DPP10: variants seen among roughly 807,000 people sequenced by gnomAD.
DPP10 encodes dipeptidyl peptidase like 10, also known as inactive dipeptidyl peptidase 10.
Under a neutral mutation model 120.9 loss-of-function variants are expected in DPP10, and 33 were observed. The observed-to-expected ratio is 0.27, with a 90% CI of 0.21 to 0.37. DPP10 has a LOEUF of 0.37. Among genes scored for constraint, DPP10 ranks in the 10% least tolerant of loss-of-function variants. The pLI, the probability that DPP10 is intolerant of heterozygous loss-of-function variation, is 1.00. For synonymous variants in DPP10, 337 were observed against 326.1 expected, an observed-to-expected ratio of 1.03 and a Z score of -0.36; for missense variants, 816 against 942.8, an observed-to-expected ratio of 0.87 and a Z score of 1.76.
In DPP10 at chr2:115,297,778, T is replaced by G. The variant is rs553333585; in HGVS notation, c.61-11461T>G. ...TTCTAGGCAGAATGTAGCAGAAGAT[T>G]ATATATGCAGCCTGCTCATCCCCTG... On this transcript the variant is annotated intron_variant, in intron 1 of 25. Transcript: ENST00000410059. 9.2e-5 allele frequency among the ~76,000 whole-genome samples: 14 copies of G among 152,170 alleles called. No homozygotes were observed. The East Asian group carries it at 2.7e-3, about 30-fold the overall frequency.
Position 115,627,156 on chromosome 2 carries a change from A to G in DPP10, c.442-62531A>G, listed in dbSNP as rs539669695. On this transcript the variant is annotated intron_variant, in intron 5 of 25. Transcript: ENST00000410059. ...GTACATAGTAATACAAGAGATAAAA[A>G]GAAAGACAAAAATGGCAGTTCTTTT... Among the ~76,000 whole-genome samples the G allele has an allele frequency of 3.3e-5, 5 of 152,342 alleles. No individual in the cohort carries two copies. In the South Asian group the frequency reaches 8.3e-4, roughly 25 times the overall value.
chr2:115,574,744 A>G (rs1001698897), intron 5 of DPP10, among the ~76,000 whole-genome samples: 1 of 152,296 alleles, frequency 6.6e-6, no homozygotes, highest in Middle Eastern at 3.4e-3. Context: ...CCAGTGACCA[A>G]TGAACGTTTG....
At chr2:115,841,880 A>T (rs1278865736) in intron 25 of DPP10, among the ~76,000 whole-genome samples, 1 of 152,188 alleles carries the variant, frequency 6.6e-6, no homozygotes, top group African/African-American at 2.4e-5. Context: ...AATACTCCTA[A>T]AAAGGGGAGG....
rs555995923 is a variant in DPP10, at chr2:114,718,526, G to T, written c.60+275688G>T. ...GATATAGATTGTTTCCATCATCACA[G>T]ATAGTTAGTTCTATGGTACTCTTTT... On this transcript the variant is annotated intron_variant, in intron 1 of 25. Coordinates refer to ENST00000410059, the MANE Select transcript of DPP10 (RefSeq NM_020868.6). 5.3e-5 allele frequency among the ~76,000 whole-genome samples: 8 copies of T among 151,802 alleles called. No homozygotes were observed. In the South Asian group the frequency reaches 1.7e-3, roughly 32 times the overall value.
At chr2:115,024,464 T>G (rs1299334761) in intron 1 of DPP10, among the ~76,000 whole-genome samples, 1 of 151,794 alleles carries the variant, frequency 6.6e-6, no homozygotes, top group Non-Finnish European at 1.5e-5. Flanking sequence ...TTCAGTATTA[T>G]TTAGTGATTG....
chr2:115,643,189 A>G (rs774293703), intron 5 of DPP10, among the ~76,000 whole-genome samples: 1 of 152,166 alleles, frequency 6.6e-6, no homozygotes, highest in Non-Finnish European at 1.5e-5. Flanking sequence ...AGTGAAATTG[A>G]TGACCTTAGT....
At chr2:114,646,221 C>G (rs575813496) in intron 1 of DPP10, among the ~76,000 whole-genome samples, 152 of 150,846 alleles carry the variant, frequency 1.0e-3, no homozygotes, top group African/African-American at 3.6e-3. Context: ...GGATCAAAAG[C>G]ACTAGTCTGC....
At chr2:115,334,532 A>C (rs2063003168) in intron 2 of DPP10, among the ~76,000 whole-genome samples, 1 of 151,828 alleles carries the variant, frequency 6.6e-6, no homozygotes, top group Non-Finnish European at 1.5e-5. Flanking sequence ...AAGTCAACAT[A>C]GTTAAATACA....
In DPP10 at chr2:115,650,688, T is replaced by C. The variant is rs201460660; in HGVS notation, c.442-38999T>C. ...CTCTACTTGGTCTCCCAGACTCAGC[T>C]AGCCTCCATGAGTATTTCCTAGTGT... On this transcript the variant is annotated intron_variant, in intron 5 of 25. Transcript: ENST00000410059. 1.3e-4 allele frequency among the ~76,000 whole-genome samples: 20 copies of C among 152,174 alleles called. 1 individual carries two copies. In the East Asian group the frequency reaches 3.7e-3, roughly 28 times the overall value.
At chr2:115,336,528 T>C (rs571391345) in intron 2 of DPP10, among the ~76,000 whole-genome samples, 2 of 151,778 alleles carry the variant, frequency 1.3e-5, no homozygotes, top group Non-Finnish European at 2.9e-5. Context: ...TATTAAAATA[T>C]AGTAGGTTTT....
At chr2:114,593,848 A>G (rs1171710483) in intron 1 of DPP10, among the ~76,000 whole-genome samples, 2 of 152,048 alleles carry the variant, frequency 1.3e-5, no homozygotes, top group Non-Finnish European at 2.9e-5. Context: ...TAGCATGCCC[A>G]CTTGCAACAA....
intron 1 of DPP10, among the ~76,000 whole-genome samples, chr2:115,223,437 A>G (rs2057279550): frequency 6.6e-6 from 1 of 152,124 alleles, no homozygotes; most frequent in Non-Finnish European, 1.5e-5. Flanking sequence ...AAATTTCCTA[A>G]GAATGGATTA....
intron 1 of DPP10, among the ~76,000 whole-genome samples, chr2:115,263,489 G>A (rs897064978): frequency 2.0e-5 from 3 of 152,162 alleles, no homozygotes; most frequent in African/African-American, 7.2e-5. Flanking sequence ...ACCAATAACT[G>A]CTTAAGGCTA....
chr2:114,597,266 T>C (rs1162607880), intron 1 of DPP10, among the ~76,000 whole-genome samples: 2 of 151,922 alleles, frequency 1.3e-5, no homozygotes, highest in African/African-American at 4.8e-5. Context: ...AACAGATACA[T>C]AGGGGAATGG....
In DPP10 at chr2:115,028,367, A is replaced by G. The variant is rs115185552; in HGVS notation, c.61-280872A>G. Reference sequence around the variant, plus strand: ...TGACCCATTGATCATTTAGGAACATACTGTTGACTTTTTATGTGTTTCTGC... The same window carrying G: ...TGACCCATTGATCATTTAGGAACATGCTGTTGACTTTTTATGTGTTTCTGC... On this transcript the variant is annotated intron_variant, in intron 1 of 25. Coordinates refer to ENST00000410059, the MANE Select transcript of DPP10 (RefSeq NM_020868.6). Among the ~76,000 whole-genome samples the G allele has an allele frequency of 9.3e-3, 1,412 of 152,168 alleles. 26 individuals carry two copies. The highest frequency in any genetic ancestry group is 0.032 in the African/African-American group (1,333 of 41,538).
intron 1 of DPP10, among the ~76,000 whole-genome samples, chr2:115,139,420 A>AC (rs1204273064): frequency 6.6e-6 from 1 of 151,918 alleles, no homozygotes; most frequent in East Asian, 1.9e-4. Flanking sequence ...AATCCCTCCC[A>AC]CCCCTACCAC....
At chr2:115,276,967 A>G (rs2059944610) in intron 1 of DPP10, among the ~76,000 whole-genome samples, 1 of 152,196 alleles carries the variant, frequency 6.6e-6, no homozygotes, top group South Asian at 2.1e-4. Context: ...AACAAAATTT[A>G]GTTTCAAATT....
intron 5 of DPP10, among the ~76,000 whole-genome samples, chr2:115,593,514 A>C (rs1158086116): frequency 6.6e-6 from 1 of 152,198 alleles, no homozygotes; most frequent in Non-Finnish European, 1.5e-5. Context: ...GCAGGGCTTT[A>C]AGAAAAGCAC....
At chr2:115,288,704 A>G (rs144067180) in intron 1 of DPP10, among the ~76,000 whole-genome samples, 1 of 152,208 alleles carries the variant, frequency 6.6e-6, no homozygotes, top group East Asian at 1.9e-4. Flanking sequence ...CCTTAGTGAC[A>G]AAGCAAGACT....
Sources: gnomAD v4.1 joint callset for allele counts (sites outside exome capture counted in the v4.1 genomes callset) on GRCh38, gnomAD v4.1.1 for gene constraint, MANE v1.5 for transcripts, NCBI Gene and HGNC (gene_info 2026-07-23, HGNC 2026-07-21) for gene names.